The following NUBPL variants were observed in gnomAD, a reference collection of about 807,000 sequenced individuals.
NUBPL encodes the protein iron-sulfur cluster transfer protein NUBPL.
Under a neutral mutation model 45.7 loss-of-function variants are expected in NUBPL, and 31 were observed. The observed-to-expected ratio is 0.68, with a 90% CI of 0.51 to 0.92. The LOEUF (loss-of-function observed/expected upper bound fraction) is 0.92. Ranked by LOEUF, NUBPL falls within the 40% of genes least tolerant of loss-of-function variation. NUBPL has a pLI of 0.00. For missense variants in NUBPL, 401 were observed against 398.7 expected (o/e 1.01, Z -0.05); for synonymous variants, 144 against 140.9 (o/e 1.02, Z -0.15).
At chr14:31,710,189 G>A (rs2037538686) in intron 6 of NUBPL, among the ~76,000 whole-genome samples, 1 of 152,108 alleles carries the variant, frequency 6.6e-6, no homozygotes, top group African/African-American at 2.4e-5. Flanking sequence ...AATGGCTTAG[G>A]ATGCATTTCA....
chr14:31,605,843 C>CCTCCTCCCTTCTCCTTCCTTGT (rs1195431723), intron 4 of NUBPL, among the ~76,000 whole-genome samples: 4 of 147,578 alleles, frequency 2.7e-5, no homozygotes, highest in African/African-American at 1.0e-4. Flanking sequence ...CTCCTTTCTT[C>CCTCCTCCCTTCTCCTTCCTTGT]CTCCTCCCTT....
chr14:31,736,512 T>G (rs1026658576), intron 6 of NUBPL, among the ~76,000 whole-genome samples: 1 of 152,224 alleles, frequency 6.6e-6, no homozygotes, highest in Non-Finnish European at 1.5e-5. Context: ...AATGCTGAGA[T>G]CCATCCATGT....
intron 3 of NUBPL, among the ~76,000 whole-genome samples, chr14:31,585,966 A>G (rs1399076318): frequency 2.0e-5 from 3 of 152,202 alleles, no homozygotes; most frequent in South Asian, 2.1e-4. Flanking sequence ...TCATTTAGCA[A>G]CTAACAATTA....
At chr14:31,742,177 A>G (rs1403275989) in intron 6 of NUBPL, among the ~76,000 whole-genome samples, 1 of 151,842 alleles carries the variant, frequency 6.6e-6, no homozygotes, top group Non-Finnish European at 1.5e-5. Flanking sequence ...GCAGACAGAG[A>G]TACTGTTAGA....
At chr14:31,778,462 G>C (rs2039135024) in intron 6 of NUBPL, among the ~76,000 whole-genome samples, 1 of 152,234 alleles carries the variant, frequency 6.6e-6, no homozygotes, top group Admixed American at 6.5e-5. Flanking sequence ...TGCCACTCGG[G>C]TCTTTGTTAT....
Position 31,791,983 on chromosome 14 carries a change from G to A in NUBPL, c.607+4110G>A, listed in dbSNP as rs183076902. ...TAATTTTCAAATTTAATTCTTACAG[G>A]TGTTATATGATTTCTATTTTCTTAA... On this transcript the variant is annotated intron_variant, in intron 7 of 10. Coordinates refer to ENST00000281081, the MANE Select transcript of NUBPL (RefSeq NM_025152.3). Among the ~76,000 whole-genome samples the A allele has an allele frequency of 1.3e-3, 197 of 152,222 alleles. 1 individual carries two copies. Among genetic ancestry groups the A allele is most frequent in the South Asian group, 0.012 (58 of 4,816 alleles).
intron 6 of NUBPL, among the ~76,000 whole-genome samples, chr14:31,723,978 A>G (rs939924519): frequency 1.3e-5 from 2 of 152,156 alleles, no homozygotes; most frequent in Non-Finnish European, 2.9e-5. Flanking sequence ...TTCCAATACT[A>G]AGTTGAATAG....
At chr14:31,749,708 G>A (rs1458960046) in intron 6 of NUBPL, among the ~76,000 whole-genome samples, 1 of 151,948 alleles carries the variant, frequency 6.6e-6, no homozygotes, top group Non-Finnish European at 1.5e-5. Context: ...TCTATTTGGG[G>A]ACTTTTGAGC....
chr14:31,666,248 TA>T (rs1566487035), intron 4 of NUBPL, among the ~76,000 whole-genome samples: 1,032 of 39,742 alleles, frequency 0.026, 120 homozygotes, highest in Non-Finnish European at 0.04. Context: ...TATATATATA[TA>T]TATATATATA....
intron 7 of NUBPL, among the ~76,000 whole-genome samples, chr14:31,816,102 A>G (rs1409384707): frequency 6.6e-6 from 1 of 152,194 alleles, no homozygotes; most frequent in Non-Finnish European, 1.5e-5. Flanking sequence ...ATAATTTCAG[A>G]AGGAATGGTA....
intron 8 of NUBPL, among the ~76,000 whole-genome samples, chr14:31,840,591 GA>G (rs869256829): frequency 5.7e-5 from 5 of 88,060 alleles, no homozygotes; most frequent in East Asian, 3.4e-4. Flanking sequence ...AAAAAAAAAA[GA>G]AAAAGAAAGA....
rs566493142 is a variant in NUBPL, at chr14:31,681,353, C to G, written c.513+7779C>G. Among the ~76,000 whole-genome samples the G allele has an allele frequency of 8.6e-5, 13 of 151,724 alleles. No individual in the cohort carries two copies. The East Asian group carries it at 2.1e-3, about 25-fold the overall frequency. Reference sequence around the variant, plus strand: ...ACATGAAATTTGTTCATAATATTTTCTTATGTTTTTAAATGGATATGGGAT... The same window carrying G: ...ACATGAAATTTGTTCATAATATTTTGTTATGTTTTTAAATGGATATGGGAT... On this transcript the variant is annotated intron_variant, in intron 6 of 10. Transcript: ENST00000281081.
chr14:31,691,835 C>T (rs2037100786), intron 6 of NUBPL, among the ~76,000 whole-genome samples: 1 of 152,152 alleles, frequency 6.6e-6, no homozygotes, highest in Non-Finnish European at 1.5e-5. Flanking sequence ...GCAGCTTCTT[C>T]TGAAGGATAA....
At chr14:31,676,197 A>G (rs2036692670) in intron 6 of NUBPL, among the ~76,000 whole-genome samples, 5 of 151,786 alleles carry the variant, frequency 3.3e-5, no homozygotes, top group Non-Finnish European at 7.4e-5. Flanking sequence ...CTAATTTTGT[A>G]TTTTTAGTAG....
chr14:31,676,582 G>A (rs1200263385), intron 6 of NUBPL, among the ~76,000 whole-genome samples: 1 of 151,678 alleles, frequency 6.6e-6, no homozygotes, highest in Non-Finnish European at 1.5e-5. Context: ...TTAACATTTG[G>A]TGTTGTCAGT....
chr14:31,637,361 A>T (rs4627234), intron 4 of NUBPL, among the ~76,000 whole-genome samples: 22 of 152,132 alleles, frequency 1.4e-4, no homozygotes, highest in African/African-American at 3.1e-4. Flanking sequence ...GTAGTCATTC[A>T]GGAGCAGGTT....
chr14:31,834,161 C>A (rs1382581378), intron 8 of NUBPL, among the ~76,000 whole-genome samples: 3 of 149,590 alleles, frequency 2.0e-5, no homozygotes, highest in Non-Finnish European at 3.0e-5. Flanking sequence ...CAGAGACAAG[C>A]CTACTGTGGC....
intron 4 of NUBPL, among the ~76,000 whole-genome samples, chr14:31,642,788 A>G (rs929441433): frequency 6.6e-6 from 1 of 152,042 alleles, no homozygotes; most frequent in African/African-American, 2.4e-5. Flanking sequence ...ATTCATGAGC[A>G]TGGAATATCT....
In NUBPL at chr14:31,841,917, C is replaced by CTTTTTTTTTT. The variant is rs547795007; in HGVS notation, c.694-4532_694-4523dup. On this transcript the variant is annotated intron_variant, in intron 8 of 10. Transcript: ENST00000281081. ...CTTTCATGTATGGGTCGATTCTGGG[C>CTTTTTTTTTT]TTTTTTTTTTTTTTTTTTTTTTTTT... Among the ~76,000 whole-genome samples the CTTTTTTTTTT allele has an allele frequency of 1.4e-3, 61 of 42,998 alleles. 5 individuals carry two copies. Among genetic ancestry groups the CTTTTTTTTTT allele is most frequent in the Admixed American group, 1.9e-3 (6 of 3,114 alleles). The allele number at this position is 42,998 out of a possible 152,430, so 28.2% of individuals were successfully genotyped here. A position where few individuals can be genotyped will look rare whatever the true frequency, so the allele number is the denominator to read the frequency against.
Sources: gnomAD v4.1 joint callset for allele counts (sites outside exome capture counted in the v4.1 genomes callset) on GRCh38, gnomAD v4.1.1 for gene constraint, MANE v1.5 for transcripts, NCBI Gene and HGNC (gene_info 2026-07-23, HGNC 2026-07-21) for gene names.